Variants in IQSEC2 observed in about 807,000 individuals in gnomAD.
IQSEC2 encodes the protein IQ motif and Sec7 domain ArfGEF 2.
A neutral mutation model predicts 74.6 loss-of-function variants in IQSEC2; 6 were observed. The ratio of observed to expected loss-of-function variants is 0.08; its 90% CI spans 0.04 to 0.16. The LOEUF is 0.16. Among genes scored for constraint, IQSEC2 ranks in the 10% least tolerant of loss-of-function variants. The pLI, the probability that IQSEC2 is intolerant of heterozygous loss-of-function variation, is 1.00. For missense variants in IQSEC2, 734 were observed against 1,306.2 expected, an observed-to-expected ratio of 0.56 and a Z score of 6.75; for synonymous variants, 494 against 544.5, an observed-to-expected ratio of 0.91 and a Z score of 1.29.
chrX:53,316,998 C>G (rs782017852), intron 1 of IQSEC2, among the ~76,000 whole-genome samples: 8 of 110,907 alleles, frequency 7.2e-5, no homozygotes, highest in African/African-American at 2.6e-4. Context: ...AGAGCCGGAG[C>G]TGGGCCCATG....
At chrX:53,315,739 C>T (rs1393802030) in intron 1 of IQSEC2, among the ~76,000 whole-genome samples, 1 of 112,408 alleles carries the variant, frequency 8.9e-6, no homozygotes, top group Non-Finnish European at 1.9e-5. Context: ...CATAAAGTCA[C>T]ATAGCGTGGG....
rs182734926 is a variant in IQSEC2 at position 53,243,565 on chromosome X, G to A, written c.2750-94C>T. On this transcript the variant is annotated intron_variant, in intron 8 of 14. Coordinates refer to ENST00000642864, the MANE Select transcript of IQSEC2 (RefSeq NM_001111125.3). ...ACCCCCACACCCAGGCACGGGCCACGATAGTCAGGACTGAGGGTCAATGGG... is the reference window on the plus strand; with the variant it reads ...ACCCCCACACCCAGGCACGGGCCACAATAGTCAGGACTGAGGGTCAATGGG... 1.0e-5 allele frequency: 11 copies of A among 1,073,719 alleles called. No homozygotes were observed. In the East Asian group the frequency reaches 1.0e-4, roughly 10 times the overall value. 88.5% of individuals were successfully genotyped at this position (1,073,719 alleles called of 1,213,427 possible).
chrX:53,227,580 AC>A (rs1343088982), downstream of IQSEC2: 7 of 305,546 alleles, frequency 2.3e-5, no homozygotes, highest in Admixed American at 6.1e-5. Context: ...ATCGGGCAGC[AC>A]CCCCAGGCCA....
intron 6 of IQSEC2, 90 bp from the exon 7 acceptor site, chrX:53,248,326 C>A: frequency 9.4e-7 from 1 of 1,064,797 alleles, no homozygotes; most frequent in East Asian, 3.2e-5. Context: ...ACCAACACCC[C>A]CACTGATAGA....
At chrX:53,295,020 G>A (rs1300060364) in intron 1 of IQSEC2, among the ~76,000 whole-genome samples, 1 of 110,610 alleles carries the variant, frequency 9.0e-6, no homozygotes, top group Non-Finnish European at 1.9e-5. Flanking sequence ...ACAGGGTTTC[G>A]CCATGTTGGC....
rs993459100 is a variant in IQSEC2 at position 53,247,145 on chromosome X, A to G, written c.2583-10T>C. 8.3e-7 allele frequency: 1 copy of G among 1,205,584 alleles called. No individual in the cohort carries two copies. Among genetic ancestry groups the G allele is most frequent in the Admixed American group, 2.2e-5 (1 of 45,349 alleles). On this transcript the variant is annotated splice_polypyrimidine_tract_variant and intron_variant, in intron 7 of 14. Coordinates refer to ENST00000642864, the MANE Select transcript of IQSEC2 (RefSeq NM_001111125.3). ...GACACAGTACCGCTGGCTGCAGGGC[A>G]GGAGGGGTCAAAGCCAGACTCAGGA...
chrX:53,314,714 G>A (rs1223619108), intron 1 of IQSEC2, among the ~76,000 whole-genome samples: 2 of 112,195 alleles, frequency 1.8e-5, no homozygotes, highest in Admixed American at 9.5e-5. Flanking sequence ...CAGATCCTAA[G>A]AAGACCATGC....
intron 9 of IQSEC2, among the ~76,000 whole-genome samples, chrX:53,242,733 C>CA (rs1462862109): frequency 9.5e-6 from 1 of 105,817 alleles, no homozygotes; most frequent in South Asian, 4.0e-4. Flanking sequence ...AAAGCGTTTT[C>CA]TTTTTTTTTT....
chrX:53,317,753 G>C (rs1322399697), intron 1 of IQSEC2, among the ~76,000 whole-genome samples: 1 of 112,524 alleles, frequency 8.9e-6, no homozygotes, highest in Admixed American at 9.4e-5. Context: ...CTCCCACCCT[G>C]CCTGCCCTCG....
chrX:53,271,158 C>T lies in IQSEC2; in HGVS notation c.738-15097G>A, dbSNP rs782243369. Among the ~76,000 whole-genome samples, 17 of 111,957 alleles carry T rather than the reference C, an allele frequency of 1.5e-4. No individual in the cohort carries two copies. In the Admixed American group the frequency reaches 1.5e-3, roughly 10 times the overall value. On this transcript the variant is annotated intron_variant, in intron 2 of 14. Coordinates refer to ENST00000642864, the MANE Select transcript of IQSEC2 (RefSeq NM_001111125.3). ...CACCTTGCTCACCTCCAGGCCTTTGCGGACACTGTCAGCACCTCCTCCCCC... is the reference window on the plus strand; with the variant it reads ...CACCTTGCTCACCTCCAGGCCTTTGTGGACACTGTCAGCACCTCCTCCCCC...
At chrX:53,287,893 C>G (rs782235949) in intron 2 of IQSEC2, among the ~76,000 whole-genome samples, 6 of 111,786 alleles carry the variant, frequency 5.4e-5, no homozygotes, top group Non-Finnish European at 7.5e-5. Flanking sequence ...GGAAAGTTAC[C>G]TCCTCCTCTC....
At chrX:53,316,257 C>A (rs1216025870) in intron 1 of IQSEC2, among the ~76,000 whole-genome samples, 1 of 111,646 alleles carries the variant, frequency 9.0e-6, no homozygotes, top group African/African-American at 3.3e-5. Flanking sequence ...AGAAGCAAGA[C>A]TCTCATTCTC....
At chrX:53,248,381 C>A in intron 6 of IQSEC2, 145 bp from the exon 7 acceptor site, 1 of 771,403 alleles carries the variant, frequency 1.3e-6, no homozygotes, top group South Asian at 2.5e-5. Context: ...CACATGAGGA[C>A]AGAATGTTTG....
intron 2 of IQSEC2, chrX:53,279,276 C>G: frequency 3.5e-6 from 1 of 289,831 alleles, no homozygotes. Context: ...TGGCAAACTC[C>G]TATTCATCCT....
At chrX:53,314,146 A>T (rs782692736) in intron 1 of IQSEC2, among the ~76,000 whole-genome samples, 1 of 111,798 alleles carries the variant, frequency 8.9e-6, no homozygotes, top group South Asian at 3.8e-4. Flanking sequence ...TGCCTACCCC[A>T]AGAGAATTCT....
intron 2 of IQSEC2, among the ~76,000 whole-genome samples, chrX:53,278,443 A>C (rs2074880771): frequency 8.9e-6 from 1 of 111,833 alleles, no homozygotes. Context: ...CTACCAAACT[A>C]GGTAGAGCTG....
At chrX:53,227,199 G>A (rs2074045787), downstream of IQSEC2, 1 of 115,099 alleles carries the variant, frequency 8.7e-6, no homozygotes. Context: ...TGGACAGGAA[G>A]CAGGAAAACT....
intron 12 of IQSEC2, chrX:53,237,322 C>G (rs1351437822): frequency 1.8e-5 from 2 of 111,852 alleles, no homozygotes; most frequent in African/African-American, 6.5e-5. Context: ...TAATCCCTCT[C>G]TCAGGATTTC....
intron 2 of IQSEC2, among the ~76,000 whole-genome samples, chrX:53,264,355 C>A (rs782757983): frequency 2.4e-4 from 26 of 106,810 alleles, no homozygotes; most frequent in Non-Finnish European, 4.7e-4. Context: ...TCCCACAGCA[C>A]AAGCCCTCTG....
Sources: allele counts gnomAD v4.1 joint callset (sites outside exome capture counted in the v4.1 genomes callset), GRCh38; gene constraint gnomAD v4.1.1; transcripts MANE v1.5; gene names NCBI Gene and HGNC (gene_info 2026-07-23, HGNC 2026-07-21).